The following SIPA1L3 variants were observed in gnomAD, a reference collection of about 807,000 sequenced individuals.
SIPA1L3 encodes the protein signal induced proliferation associated 1 like 3.
In SIPA1L3, 59 loss-of-function variants were observed where a neutral mutation model predicts 150.1. The observed-to-expected ratio is 0.39, with a 90% confidence interval of 0.32 to 0.49. The LOEUF (loss-of-function observed/expected upper bound fraction) is 0.49. Ranked by LOEUF, SIPA1L3 falls within the 20% of genes least tolerant of loss-of-function variation. The probability of loss-of-function intolerance (pLI) is 0.86; values close to 1 mark genes in which losing one functional copy is unlikely to be tolerated. For synonymous variants in SIPA1L3, 1,070 were observed against 1,077.6 expected (o/e 0.99, Z 0.14); for missense variants, 2,211 against 2,489.5 (o/e 0.89, Z 2.38).
rs1329172188 is a variant in SIPA1L3 at position 38,131,299 on chromosome 19, C to T, written c.3143+527C>T. Among the ~76,000 whole-genome samples the T allele has an allele frequency of 2.0e-5, 3 of 152,290 alleles. No homozygotes were observed. The South Asian group carries it at 6.2e-4, about 32-fold the overall frequency. Reference sequence around the variant, plus strand: ...GCAGGGTAATGAAGGGGCTGCAGCACGATGGGAGAGCTGCTTACAAGGCGG... The same window carrying T: ...GCAGGGTAATGAAGGGGCTGCAGCATGATGGGAGAGCTGCTTACAAGGCGG... On this transcript the variant is annotated intron_variant, in intron 10 of 21. Transcript: ENST00000222345.
chr19:38,102,247 A>G (rs531842571), intron 6 of SIPA1L3, among the ~76,000 whole-genome samples: 6 of 148,848 alleles, frequency 4.0e-5, no homozygotes, highest in Admixed American at 1.3e-4. Flanking sequence ...GGGATTTACT[A>G]TATTGGCCAG....
chr19:37,949,370 A>C (rs2046741085), intron 1 of SIPA1L3, among the ~76,000 whole-genome samples: 1 of 152,148 alleles, frequency 6.6e-6, no homozygotes, highest in Non-Finnish European at 1.5e-5. Flanking sequence ...GTTTTCATTC[A>C]AAGGGGACTA....
At chr19:38,001,039 CATATATCACACAT>C (rs1345544819) in intron 1 of SIPA1L3, among the ~76,000 whole-genome samples, 10 of 150,348 alleles carry the variant, frequency 6.7e-5, no homozygotes, top group African/African-American at 2.2e-4. Context: ...ATATATCACA[CATATATCACACAT>C]ATATATATAT....
intron 2 of SIPA1L3, among the ~76,000 whole-genome samples, chr19:38,079,855 C>T (rs1479350506): frequency 3.9e-5 from 6 of 152,130 alleles, no homozygotes; most frequent in Non-Finnish European, 8.8e-5. Context: ...CGTGCCCAGC[C>T]GGAAGTCCCC....
At position 38,201,926 on chromosome 19, in the gene SIPA1L3, A is replaced by C. The variant is rs747598538; in HGVS notation, c.5049A>C (p.Ala1683=). 2 of 1,614,004 alleles carry C rather than the reference A, an allele frequency of 1.2e-6. No homozygotes were observed. Among genetic ancestry groups the C allele is most frequent in the East Asian group, 2.2e-5 (1 of 44,870 alleles). ...DPALSPDIPP[A]HSPVHSHLSL... ...CCCTGAGCCCGGACATCCCGCCTGCACACAGTCCTGTCCACAGCCACCTGA... is the reference window on the plus strand; with the variant it reads ...CCCTGAGCCCGGACATCCCGCCTGCCCACAGTCCTGTCCACAGCCACCTGA... Residue 1683 remains alanine, a synonymous_variant, in exon 20 of 22, where the codon GCA becomes GCC. Transcript: ENST00000222345.
At chr19:38,123,226 C>T (rs1261874227) in intron 9 of SIPA1L3, among the ~76,000 whole-genome samples, 7 of 151,956 alleles carry the variant, frequency 4.6e-5, no homozygotes, top group African/African-American at 1.7e-4. Context: ...TTGACTTGCC[C>T]AGAGCCCAAA....
chr19:38,182,408 G>C (rs1303128104), intron 15 of SIPA1L3, 111 bp from the exon 16 acceptor site: 10 of 794,596 alleles, frequency 1.3e-5, no homozygotes. Context: ...ATTTGTGTCT[G>C]TCTTGTGCAA....
At chr19:37,930,401 C>G (rs1033079824) in intron 1 of SIPA1L3, among the ~76,000 whole-genome samples, 3 of 151,902 alleles carry the variant, frequency 2.0e-5, no homozygotes, top group African/African-American at 7.3e-5. Flanking sequence ...TCAAGCGATC[C>G]TCCCACTTCA....
chr19:37,945,509 T>C (rs2046702597), intron 1 of SIPA1L3, among the ~76,000 whole-genome samples: 1 of 152,120 alleles, frequency 6.6e-6, no homozygotes, highest in Non-Finnish European at 1.5e-5. Flanking sequence ...AGTGCTAGAA[T>C]TACAGGTGTG....
chr19:37,999,364 C>T (rs1032042941), intron 1 of SIPA1L3, among the ~76,000 whole-genome samples: 1 of 152,166 alleles, frequency 6.6e-6, no homozygotes, highest in South Asian at 2.1e-4. Flanking sequence ...ACGGCAAAAA[C>T]GTAACTGGCC....
chr19:38,142,763 T>A, intron 12 of SIPA1L3, 53 bp downstream of exon 12: 1 of 1,563,420 alleles, frequency 6.4e-7, no homozygotes, highest in Non-Finnish European at 8.7e-7. Flanking sequence ...AAGCTGTGCC[T>A]CCTTCTTCCC....
chr19:38,093,908 C>G (rs992908101), intron 4 of SIPA1L3, among the ~76,000 whole-genome samples: 2 of 152,184 alleles, frequency 1.3e-5, no homozygotes, highest in Non-Finnish European at 2.9e-5. Flanking sequence ...GCTGCCCTGT[C>G]TCAGGTCCCT....
In SIPA1L3 at chr19:38,141,402, C is replaced by G. The variant is rs1327241227; in HGVS notation, c.3362C>G (p.Pro1121Arg). The part of the protein sequence containing the change: ...SRPLKQTPIV[P>R]FRESQPLHSK... ...CCCCTGAAGCAGACCCCCATAGTCC[C>G]CTTCCGGGAGTCCCAGCCACTGCAC... The change falls in exon 11 of 22, where the codon CCC (proline) becomes CGC (arginine). Residue 1121 changes from proline (P) to arginine (R), a missense_variant. Coordinates refer to ENST00000222345, the MANE Select transcript of SIPA1L3 (RefSeq NM_015073.3). 6.2e-7 allele frequency: 1 copy of G among 1,612,272 alleles called. No homozygotes were observed. The highest frequency in any genetic ancestry group is 1.3e-5 in the African/African-American group (1 of 74,924).
intron 3 of SIPA1L3, among the ~76,000 whole-genome samples, chr19:38,086,769 A>C (rs1030096988): frequency 2.4e-4 from 36 of 152,246 alleles, no homozygotes; most frequent in African/African-American, 8.7e-4. Context: ...GGACCACTGC[A>C]GCGGAGTCTG....
chr19:38,080,865 G>C (rs1431755758), intron 2 of SIPA1L3, among the ~76,000 whole-genome samples: 2 of 151,990 alleles, frequency 1.3e-5, no homozygotes, highest in African/African-American at 4.8e-5. Flanking sequence ...AGCTACTTGG[G>C]AGGCTGAGGC....
chr19:38,099,181 G>T (rs1246851763), intron 4 of SIPA1L3, among the ~76,000 whole-genome samples: 2 of 152,076 alleles, frequency 1.3e-5, no homozygotes, highest in Non-Finnish European at 2.9e-5. Context: ...GATTACAGGT[G>T]CATGCCACCA....
Position 38,093,959 on chromosome 19 carries a change from A to G in SIPA1L3, c.1665+5108A>G, listed in dbSNP as rs1027516684. On this transcript the variant is annotated intron_variant, in intron 4 of 21. Coordinates refer to ENST00000222345, the MANE Select transcript of SIPA1L3 (RefSeq NM_015073.3). ...CCAGGACACTGGGGACAGAGTGGGGATGGCAACCAGCCAGGAACTGTGTGG... is the reference window on the plus strand; with the variant it reads ...CCAGGACACTGGGGACAGAGTGGGGGTGGCAACCAGCCAGGAACTGTGTGG... Among the ~76,000 whole-genome samples, 14 of 152,280 alleles carry G rather than the reference A, an allele frequency of 9.2e-5. No individual in the cohort carries two copies. In the East Asian group the frequency reaches 9.7e-4, roughly 11 times the overall value.
rs75159793 is a variant in SIPA1L3 at position 37,943,144 on chromosome 19, G to T, written c.-379+35786G>T. Among the ~76,000 whole-genome samples, 433 of 151,418 alleles carry T rather than the reference G, an allele frequency of 2.9e-3. 2 individuals carry two copies. Among genetic ancestry groups the T allele is most frequent in the African/African-American group, 0.01 (419 of 41,202 alleles). ...CTGCCTTGGCCTCCCAAAGTTGCTGGGATTCTAGGCGTGAGTCACTCTGCC... is the reference window on the plus strand; with the variant it reads ...CTGCCTTGGCCTCCCAAAGTTGCTGTGATTCTAGGCGTGAGTCACTCTGCC... On this transcript the variant is annotated intron_variant, in intron 1 of 21. Coordinates refer to ENST00000222345, the MANE Select transcript of SIPA1L3 (RefSeq NM_015073.3).
At chr19:37,950,910 T>G (rs16976795) in intron 1 of SIPA1L3, among the ~76,000 whole-genome samples, 5,777 of 152,360 alleles carry the variant, frequency 0.038, 342 homozygotes, top group African/African-American at 0.13. Context: ...CTGGGGAATC[T>G]TGGTAACAGT....
Sources: gnomAD v4.1 joint callset for allele counts (sites outside exome capture counted in the v4.1 genomes callset) on GRCh38, gnomAD v4.1.1 for gene constraint, MANE v1.5 for transcripts, NCBI Gene and HGNC (gene_info 2026-07-23, HGNC 2026-07-21) for gene names.